Variants in TGFA observed in about 807,000 individuals in gnomAD.
TGFA encodes the protein transforming growth factor alpha.
Under a neutral mutation model 21.7 loss-of-function variants are expected in TGFA, and 12 were observed. The observed-to-expected ratio is 0.55, with a 90% CI of 0.35 to 0.90. The LOEUF (loss-of-function observed/expected upper bound fraction) is 0.90. Ranked by LOEUF, TGFA falls within the 40% of genes least tolerant of loss-of-function variation. The pLI, the probability that TGFA is intolerant of heterozygous loss-of-function variation, is 0.01. For missense variants in TGFA, 178 were observed against 210.8 expected, an observed-to-expected ratio of 0.84 and a Z score of 0.96; for synonymous variants, 79 against 88.1, an observed-to-expected ratio of 0.90 and a Z score of 0.58.
chr2:70,518,098 GAC>G (rs1672341404), intron 1 of TGFA, among the ~76,000 whole-genome samples: 1 of 152,222 alleles, frequency 6.6e-6, no homozygotes, highest in Non-Finnish European at 1.5e-5. Flanking sequence ...GGCTCAGGGA[GAC>G]ACACAGTGCA....
At chr2:70,509,766 T>C (rs567868814) in intron 2 of TGFA, among the ~76,000 whole-genome samples, 1 of 152,300 alleles carries the variant, frequency 6.6e-6, no homozygotes, top group Non-Finnish European at 1.5e-5. Context: ...CCCTTGGTCA[T>C]TAGAGTGAGT....
chr2:70,545,892 T>C (rs1260001089), intron 1 of TGFA, among the ~76,000 whole-genome samples: 1 of 152,164 alleles, frequency 6.6e-6, no homozygotes, highest in African/African-American at 2.4e-5. Flanking sequence ...AGTGTTATTA[T>C]AAAACTCCAA....
At chr2:70,505,758 T>C (rs145640662) in intron 2 of TGFA, among the ~76,000 whole-genome samples, 20 of 152,342 alleles carry the variant, frequency 1.3e-4, no homozygotes, top group African/African-American at 4.3e-4. Context: ...CCATTCTGCT[T>C]CATCTAATCC....
chr2:70,471,559 T>G (rs1405041505), intron 2 of TGFA, among the ~76,000 whole-genome samples: 1 of 152,024 alleles, frequency 6.6e-6, no homozygotes, highest in Non-Finnish European at 1.5e-5. Context: ...TTGTCTTAGA[T>G]CCTCCCAGAC....
intron 1 of TGFA, among the ~76,000 whole-genome samples, chr2:70,524,999 C>T (rs998143371): frequency 1.4e-4 from 22 of 152,268 alleles, no homozygotes; most frequent in African/African-American, 3.1e-4. Flanking sequence ...GTGTGCACCT[C>T]GGGCCAGCAA....
At chr2:70,493,049 T>C (rs570352159) in intron 2 of TGFA, among the ~76,000 whole-genome samples, 4 of 152,358 alleles carry the variant, frequency 2.6e-5, no homozygotes, top group Admixed American at 6.5e-5. Context: ...TATTTATCTT[T>C]CATATATTCA....
intron 2 of TGFA, among the ~76,000 whole-genome samples, chr2:70,502,053 C>T (rs1371022002): frequency 6.6e-6 from 1 of 152,242 alleles, no homozygotes; most frequent in South Asian, 2.1e-4. Flanking sequence ...CTCTTCTGCC[C>T]TCCTGTGCCT....
Position 70,545,163 on chromosome 2 carries a change from A to G in TGFA, c.40+8565T>C, listed in dbSNP as rs114552731. ...TATATACCTACTATGTACCCACAAG[A>G]ATTAAAAATTGTAAAAATGTTGGAA... On this transcript the variant is annotated intron_variant, in intron 1 of 5. Transcript: ENST00000295400. Among the ~76,000 whole-genome samples the G allele has an allele frequency of 2.8e-3, 425 of 152,234 alleles. 2 individuals are homozygous for G. The highest frequency in any genetic ancestry group is 8.8e-3 in the African/African-American group (365 of 41,540).
intron 2 of TGFA, among the ~76,000 whole-genome samples, chr2:70,504,487 C>CAT (rs1671858550): frequency 1.0e-5 from 1 of 96,774 alleles, no homozygotes; most frequent in East Asian, 3.3e-4. Flanking sequence ...CATACATACA[C>CAT]ACACACACAC....
intron 2 of TGFA, among the ~76,000 whole-genome samples, chr2:70,497,716 G>A (rs549373719): frequency 6.6e-6 from 1 of 152,298 alleles, no homozygotes; most frequent in South Asian, 2.1e-4. Context: ...TCTGCTGCTT[G>A]ACATAAAACT....
At chr2:70,507,089 G>A (rs1417526416) in intron 2 of TGFA, among the ~76,000 whole-genome samples, 1 of 152,234 alleles carries the variant, frequency 6.6e-6, no homozygotes, top group Non-Finnish European at 1.5e-5. Flanking sequence ...AGGCCTGGGA[G>A]CCAAGCTACA....
At chr2:70,457,319 A>T (rs930655) in intron 3 of TGFA, among the ~76,000 whole-genome samples, 1 of 151,950 alleles carries the variant, frequency 6.6e-6, no homozygotes, top group Non-Finnish European at 1.5e-5. Context: ...GGGTCTCAAA[A>T]GTGCTTCGGG....
At chr2:70,457,317 A>G (rs1300736426) in intron 3 of TGFA, among the ~76,000 whole-genome samples, 9 of 152,082 alleles carry the variant, frequency 5.9e-5, no homozygotes, top group Non-Finnish European at 1.0e-4. Context: ...ATGGGTCTCA[A>G]AAGTGCTTCG....
chr2:70,508,117 C>T (rs1234903756), intron 2 of TGFA, among the ~76,000 whole-genome samples: 1 of 152,128 alleles, frequency 6.6e-6, no homozygotes, highest in Non-Finnish European at 1.5e-5. Flanking sequence ...TGAAGACGAA[C>T]TGCTGCTAAG....
At chr2:70,497,163 G>C in intron 2 of TGFA, among the ~76,000 whole-genome samples, 1 of 152,182 alleles carries the variant, frequency 6.6e-6, no homozygotes, top group East Asian at 1.9e-4. Context: ...GAAGAAAGAC[G>C]TATGAGCTAC....
intron 1 of TGFA, among the ~76,000 whole-genome samples, chr2:70,550,812 C>A (rs1673477794): frequency 2.0e-5 from 3 of 152,194 alleles, no homozygotes; most frequent in Non-Finnish European, 2.9e-5. Flanking sequence ...CAGAGCGAGA[C>A]TCCGTCTCAA....
At position 70,511,933 on chromosome 2, in the gene TGFA, G is replaced by A. The variant is rs138774511; in HGVS notation, c.94+2926C>T. On this transcript the variant is annotated intron_variant, in intron 2 of 5. Transcript: ENST00000295400. Reference sequence around the variant, plus strand: ...CACACACACACACACACACACACTTGCTACAATGACGGGCAGTGAGTGTGG... The same window carrying A: ...CACACACACACACACACACACACTTACTACAATGACGGGCAGTGAGTGTGG... 8.3e-3 allele frequency among the ~76,000 whole-genome samples: 1,160 copies of A among 138,962 alleles called. 11 individuals are homozygous for A. Among genetic ancestry groups the A allele is most frequent in the African/African-American group, 0.032 (1,103 of 34,444 alleles). 91.2% of individuals were successfully genotyped at this position (138,962 alleles called of 152,430 possible).
chr2:70,468,963 G>A (rs1360422772), intron 2 of TGFA, among the ~76,000 whole-genome samples: 1 of 152,128 alleles, frequency 6.6e-6, no homozygotes, highest in African/African-American at 2.4e-5. Flanking sequence ...CATGCAACTG[G>A]TCCCTGGTGT....
chr2:70,472,759 A>T (rs781906247), intron 2 of TGFA, among the ~76,000 whole-genome samples: 11 of 152,220 alleles, frequency 7.2e-5, no homozygotes, highest in Non-Finnish European at 1.3e-4. Flanking sequence ...GTGGCTCTTA[A>T]CTCTCTTCCC....
Sources: allele counts gnomAD v4.1 joint callset (sites outside exome capture counted in the v4.1 genomes callset), GRCh38; gene constraint gnomAD v4.1.1; transcripts MANE v1.5; gene names NCBI Gene and HGNC (gene_info 2026-07-23, HGNC 2026-07-21).